THSD7B: variants seen among roughly 807,000 people sequenced by gnomAD.
THSD7B encodes thrombospondin type 1 domain containing 7B.
Under a neutral mutation model 213.6 loss-of-function variants are expected in THSD7B, and 138 were observed. The observed-to-expected ratio is 0.65, with a 90% CI of 0.56 to 0.74. THSD7B has a LOEUF of 0.74. Ranked by LOEUF, THSD7B falls within the 30% of genes least tolerant of loss-of-function variation. The pLI is 0.00. For synonymous variants in THSD7B, 742 were observed against 687.0 expected (o/e 1.08, Z -1.25); for missense variants, 1,931 against 1,991.5 (o/e 0.97, Z 0.58).
intron 2 of THSD7B, among the ~76,000 whole-genome samples, chr2:136,925,818 T>A (rs1321046926): frequency 6.6e-6 from 1 of 152,142 alleles, no homozygotes; most frequent in African/African-American, 2.4e-5. Context: ...TTTTGAACTG[T>A]TTTTGATTGC....
intron 2 of THSD7B, among the ~76,000 whole-genome samples, chr2:136,952,434 C>CT (rs35848268): frequency 0.33 from 41,356 of 125,502 alleles, 7,714 homozygotes; most frequent in Non-Finnish European, 0.41. Flanking sequence ...GGGCAGAAAA[C>CT]TTTTTTTTTT....
rs148820327 is a variant in THSD7B at position 137,616,309 on chromosome 2, T to A, written c.3558T>A (p.Asn1186Lys). The A allele has an allele frequency of 3.0e-4, 486 of 1,613,440 alleles. No individual in the cohort carries two copies. Among genetic ancestry groups the A allele is most frequent in the Middle Eastern group, 2.0e-3 (12 of 6,056 alleles). The change falls in exon 18 of 28, where the codon AAT becomes AAA. Residue 1186 changes from asparagine (N) to lysine (K), a missense_variant. Transcript: ENST00000409968. Reference sequence around the variant, plus strand: ...AAAATTGCTTCCAGTTCCAGTACAATCTAACAGGTACAGTTAAAATCTATG... The same window carrying A: ...AAAATTGCTTCCAGTTCCAGTACAAACTAACAGGTACAGTTAAAATCTATG... The part of the protein sequence containing the change: ...LNENCFQFQY[N>K]LTEWSTCQLS...
chr2:136,904,472 G>T (rs996947130), intron 2 of THSD7B, among the ~76,000 whole-genome samples: 4 of 152,202 alleles, frequency 2.6e-5, no homozygotes, highest in Non-Finnish European at 5.9e-5. Flanking sequence ...GGAGACAGGG[G>T]CATGTTCTGG....
intron 2 of THSD7B, among the ~76,000 whole-genome samples, chr2:137,028,158 G>A (rs1686588763): frequency 6.6e-6 from 1 of 152,072 alleles, no homozygotes; most frequent in African/African-American, 2.4e-5. Flanking sequence ...TAGGAGTTTG[G>A]TGTCAAAGCA....
intron 2 of THSD7B, among the ~76,000 whole-genome samples, chr2:137,027,682 G>A (rs545864989): frequency 2.0e-5 from 3 of 152,246 alleles, no homozygotes; most frequent in African/African-American, 7.2e-5. Flanking sequence ...GATTAAAATG[G>A]ATACTCTAGG....
intron 14 of THSD7B, among the ~76,000 whole-genome samples, chr2:137,449,346 C>T (rs1371666753): frequency 1.3e-5 from 2 of 152,196 alleles, no homozygotes; most frequent in African/African-American, 4.8e-5. Flanking sequence ...TTTTGGATAA[C>T]TTCTTAGCTT....
At chr2:137,145,538 G>T (rs1386477757) in intron 5 of THSD7B, among the ~76,000 whole-genome samples, 4 of 152,012 alleles carry the variant, frequency 2.6e-5, no homozygotes, top group African/African-American at 9.7e-5. Flanking sequence ...TTATTGTAAA[G>T]ATCTTGAGCT....
intron 3 of THSD7B, among the ~76,000 whole-genome samples, chr2:137,092,668 C>A (rs545410864): frequency 1.1e-3 from 167 of 152,052 alleles, no homozygotes; most frequent in African/African-American, 3.9e-3. Flanking sequence ...TGAGACTTTG[C>A]CCGTCACCCA....
intron 2 of THSD7B, among the ~76,000 whole-genome samples, chr2:136,925,283 C>T (rs1390166004): frequency 6.6e-6 from 1 of 152,122 alleles, no homozygotes; most frequent in Non-Finnish European, 1.5e-5. Context: ...AGTTTTTCAC[C>T]ATTGAGTATG....
rs917458922 is a variant in THSD7B, at chr2:136,936,575, A to C, written c.139+54258A>C. On this transcript the variant is annotated intron_variant, in intron 2 of 27. Coordinates refer to ENST00000409968, the MANE Select transcript of THSD7B (RefSeq NM_001316349.2). Reference sequence around the variant, plus strand: ...CTAAGAAAAGTAACTCAGGAATGGGAAACCAAACATTGTATGTTCTCACTC... The same window carrying C: ...CTAAGAAAAGTAACTCAGGAATGGGCAACCAAACATTGTATGTTCTCACTC... Among the ~76,000 whole-genome samples, 7 of 152,324 alleles carry C rather than the reference A, an allele frequency of 4.6e-5. No individual in the cohort carries two copies. The South Asian group carries it at 1.4e-3, about 32-fold the overall frequency.
chr2:136,960,736 A>G (rs1302748458), intron 2 of THSD7B, among the ~76,000 whole-genome samples: 1 of 152,112 alleles, frequency 6.6e-6, no homozygotes, highest in Non-Finnish European at 1.5e-5. Flanking sequence ...ATATCTTTAC[A>G]AAGAGAAGAA....
chr2:137,618,379 C>G lies in THSD7B; in HGVS notation c.3566-13C>G. ...AATTTTGAAACTCAGTGTGGGTGATCCTATGCCTGTAGAGTGGAGCACATG... is the reference window on the plus strand; with the variant it reads ...AATTTTGAAACTCAGTGTGGGTGATGCTATGCCTGTAGAGTGGAGCACATG... On this transcript the variant is annotated splice_polypyrimidine_tract_variant and intron_variant, in intron 18 of 27. Coordinates refer to ENST00000409968, the MANE Select transcript of THSD7B (RefSeq NM_001316349.2). The G allele has an allele frequency of 6.2e-7, 1 of 1,612,012 alleles. No homozygotes were observed. Among genetic ancestry groups the G allele is most frequent in the Non-Finnish European group, 8.5e-7 (1 of 1,178,552 alleles).
intron 12 of THSD7B, among the ~76,000 whole-genome samples, chr2:137,390,178 T>C (rs1447161529): frequency 6.6e-6 from 1 of 152,210 alleles, no homozygotes. Context: ...CTTTTGGTCA[T>C]GAGCGTGGGA....
intron 12 of THSD7B, among the ~76,000 whole-genome samples, chr2:137,308,265 G>C (rs568117441): frequency 6.6e-6 from 1 of 152,058 alleles, no homozygotes; most frequent in Admixed American, 6.6e-5. Context: ...CCAGGAATAA[G>C]GGAGCAGGCC....
chr2:137,322,643 A>G (rs1019836154), intron 12 of THSD7B, among the ~76,000 whole-genome samples: 1 of 152,218 alleles, frequency 6.6e-6, no homozygotes, highest in African/African-American at 2.4e-5. Flanking sequence ...CATTTCATAA[A>G]TATCAGTTGA....
intron 2 of THSD7B, among the ~76,000 whole-genome samples, chr2:136,913,154 G>A (rs1033970697): frequency 2.6e-5 from 4 of 152,176 alleles, no homozygotes; most frequent in Non-Finnish European, 4.4e-5. Context: ...GAGCAAAGGC[G>A]ACTCTTGTTT....
chr2:136,828,355 A>G (rs1461910857), intron 1 of THSD7B, among the ~76,000 whole-genome samples: 1 of 152,086 alleles, frequency 6.6e-6, no homozygotes, highest in African/African-American at 2.4e-5. Context: ...CATATCCGTT[A>G]CATCAGCAAA....
intron 12 of THSD7B, 51 bp downstream of exon 12, chr2:137,276,077 A>G (rs1305851538): frequency 7.6e-7 from 1 of 1,317,608 alleles, no homozygotes; most frequent in East Asian, 2.4e-5. Flanking sequence ...AGTTAACATT[A>G]TGTAACTCAT....
chr2:137,177,234 C>T (rs1263531147), intron 7 of THSD7B, among the ~76,000 whole-genome samples: 4 of 152,092 alleles, frequency 2.6e-5, no homozygotes, highest in Non-Finnish European at 5.9e-5. Context: ...ATTTATTTTC[C>T]AGTTAGGCCA....
Sources: gnomAD v4.1 joint callset for allele counts (sites outside exome capture counted in the v4.1 genomes callset) on GRCh38, gnomAD v4.1.1 for gene constraint, MANE v1.5 for transcripts, NCBI Gene and HGNC (gene_info 2026-07-23, HGNC 2026-07-21) for gene names.